BMPR1A: variants seen among roughly 807,000 people sequenced by gnomAD.
BMPR1A encodes the protein bone morphogenetic protein receptor type-1A.
In BMPR1A, 7 loss-of-function variants were observed where a neutral mutation model predicts 66.0. That is an observed-to-expected ratio of 0.11 (90% confidence interval 0.06 to 0.20). The LOEUF (loss-of-function observed/expected upper bound fraction) is 0.20. Ranked by LOEUF, BMPR1A falls within the 10% of genes least tolerant of loss-of-function variation. The probability of loss-of-function intolerance (pLI) is 1.00; values close to 1 mark genes in which losing one functional copy is unlikely to be tolerated. For synonymous variants in BMPR1A, 200 were observed against 229.7 expected (o/e 0.87, Z 1.17); for missense variants, 408 against 669.1 (o/e 0.61, Z 4.31).
intron 1 of BMPR1A, among the ~76,000 whole-genome samples, chr10:86,758,838 C>G (rs1401668590): frequency 6.6e-6 from 1 of 152,178 alleles, no homozygotes; most frequent in South Asian, 2.1e-4. Flanking sequence ...TCTAAGTCCT[C>G]TCCTTGAGTT....
intron 2 of BMPR1A, among the ~76,000 whole-genome samples, chr10:86,848,472 T>C (rs1842517688): frequency 6.6e-6 from 1 of 152,170 alleles, no homozygotes; most frequent in South Asian, 2.1e-4. Context: ...ATTTTTGTGC[T>C]TAGACTTCCT....
At chr10:86,774,614 C>CA (rs1329446027) in intron 1 of BMPR1A, among the ~76,000 whole-genome samples, 1 of 152,116 alleles carries the variant, frequency 6.6e-6, no homozygotes, top group South Asian at 2.1e-4. Context: ...CTGCTGCAAG[C>CA]AAAATCAGAC....
chr10:86,838,699 G>A (rs1321987583), intron 1 of BMPR1A, among the ~76,000 whole-genome samples, 166 bp from the exon 2 acceptor site: 1 of 151,874 alleles, frequency 6.6e-6, no homozygotes, highest in African/African-American at 2.4e-5. Context: ...CAGAGGTTGA[G>A]GAAAATGGTA....
chr10:86,882,770 G>T (rs1442844952), intron 3 of BMPR1A, among the ~76,000 whole-genome samples: 2 of 151,384 alleles, frequency 1.3e-5, no homozygotes, highest in Non-Finnish European at 2.9e-5. Context: ...TTCGAGACCA[G>T]CCTGGCCAAC....
chr10:86,912,479 A>G (rs1843506220), intron 8 of BMPR1A, 95 bp downstream of exon 8: 1 of 1,465,840 alleles, frequency 6.8e-7, no homozygotes. Flanking sequence ...TCAGGGAACA[A>G]TAATGGACAC....
At chr10:86,883,399 A>G (rs1274347747) in intron 3 of BMPR1A, among the ~76,000 whole-genome samples, 6 of 151,876 alleles carry the variant, frequency 4.0e-5, no homozygotes, top group Non-Finnish European at 2.9e-5. Context: ...AAATACAAAA[A>G]ATTAGCCGGG....
At chr10:86,761,189 A>G (rs1672600467) in intron 1 of BMPR1A, among the ~76,000 whole-genome samples, 1 of 152,230 alleles carries the variant, frequency 6.6e-6, no homozygotes, top group Non-Finnish European at 1.5e-5. Flanking sequence ...GCCAGTTCGT[A>G]TGGGCAGTTT....
chr10:86,890,744 T>TA (rs763078775), intron 4 of BMPR1A, among the ~76,000 whole-genome samples: 1 of 152,186 alleles, frequency 6.6e-6, no homozygotes, highest in African/African-American at 2.4e-5. Context: ...TCCTACTTCT[T>TA]AATTAGTTGA....
intron 1 of BMPR1A, among the ~76,000 whole-genome samples, chr10:86,784,481 C>A (rs1841488408): frequency 6.6e-6 from 1 of 152,036 alleles, no homozygotes; most frequent in South Asian, 2.1e-4. Flanking sequence ...TTTTAATATG[C>A]CTTTGAATTT....
intron 3 of BMPR1A, among the ~76,000 whole-genome samples, chr10:86,884,533 C>T (rs1204006508): frequency 1.4e-5 from 2 of 147,854 alleles, no homozygotes; most frequent in Admixed American, 1.4e-4. Context: ...TTTGTCTCAG[C>T]CTCCTGAGTA....
chr10:86,929,008 A>C (rs1843783932), downstream of BMPR1A: 1 of 151,650 alleles, frequency 6.6e-6, no homozygotes, highest in Admixed American at 6.6e-5. Flanking sequence ...GTATGCCATT[A>C]AATAGCCATT....
At chr10:86,878,587 G>T (rs1360611052) in intron 3 of BMPR1A, among the ~76,000 whole-genome samples, 1 of 152,154 alleles carries the variant, frequency 6.6e-6, no homozygotes, top group Admixed American at 6.5e-5. Flanking sequence ...GTAGTGTCAA[G>T]GCTGACATGT....
intron 9 of BMPR1A, among the ~76,000 whole-genome samples, chr10:86,917,625 G>C (rs1843594898): frequency 6.6e-6 from 1 of 152,186 alleles, no homozygotes; most frequent in Non-Finnish European, 1.5e-5. Context: ...CAGTGATTTA[G>C]GGTAACATTA....
intron 2 of BMPR1A, among the ~76,000 whole-genome samples, chr10:86,846,099 C>T (rs186990795): frequency 2.1e-4 from 32 of 152,270 alleles, no homozygotes; most frequent in Non-Finnish European, 3.5e-4. Flanking sequence ...TTATTTCCAT[C>T]CTTGACATTC....
rs368271130 is a variant in BMPR1A, at chr10:86,820,321, G to A, written c.-267-18544G>A. Among the ~76,000 whole-genome samples, 9 of 151,970 alleles carry A rather than the reference G, an allele frequency of 5.9e-5. No individual in the cohort carries two copies. The East Asian group carries it at 9.6e-4, about 16-fold the overall frequency. ...GCCTCCCAAAGTGTTGGGATTACAGGCATGAGCCACTGCACCCAGAATCAC... is the reference window on the plus strand; with the variant it reads ...GCCTCCCAAAGTGTTGGGATTACAGACATGAGCCACTGCACCCAGAATCAC... On this transcript the variant is annotated intron_variant, in intron 1 of 12. Coordinates refer to ENST00000372037, the MANE Select transcript of BMPR1A (RefSeq NM_004329.3).
chr10:86,820,280 C>T (rs7478387), intron 1 of BMPR1A, among the ~76,000 whole-genome samples: 35,777 of 152,078 alleles, frequency 0.24, 5,330 homozygotes, highest in East Asian at 0.67. Flanking sequence ...TGGGTTTAAG[C>T]AATCCTCTTG....
At chr10:86,792,753 A>C (rs1841646641) in intron 1 of BMPR1A, among the ~76,000 whole-genome samples, 1 of 152,196 alleles carries the variant, frequency 6.6e-6, no homozygotes, top group African/African-American at 2.4e-5. Context: ...AAGGAGGAAA[A>C]TATGCTGTGA....
chr10:86,844,592 A>T (rs1057150841), intron 2 of BMPR1A, among the ~76,000 whole-genome samples: 1 of 152,228 alleles, frequency 6.6e-6, no homozygotes, highest in Non-Finnish European at 1.5e-5. Context: ...CTGTTAACTG[A>T]TGACTGATTT....
chr10:86,887,222 G>A (rs755661437), intron 3 of BMPR1A, among the ~76,000 whole-genome samples: 6 of 152,082 alleles, frequency 3.9e-5, no homozygotes, highest in Non-Finnish European at 7.4e-5. Flanking sequence ...GGCCACATAT[G>A]TGGTTTTGAT....
Sources: gnomAD v4.1 joint callset for allele counts (sites outside exome capture counted in the v4.1 genomes callset) on GRCh38, gnomAD v4.1.1 for gene constraint, MANE v1.5 for transcripts, NCBI Gene and HGNC (gene_info 2026-07-23, HGNC 2026-07-21) for gene names.